Variants in COBLL1 observed in about 807,000 individuals in gnomAD.
The protein encoded by COBLL1 is cordon-bleu protein-like 1.
A neutral mutation model predicts 94.8 loss-of-function variants in COBLL1; 50 were observed. The observed-to-expected ratio is 0.53, with a 90% CI of 0.42 to 0.67. The LOEUF (loss-of-function observed/expected upper bound fraction) is 0.67. COBLL1 is among the 30% of genes least tolerant of loss of function. COBLL1 has a pLI of 0.00. For missense variants in COBLL1, 1,362 were observed against 1,348.7 expected, an observed-to-expected ratio of 1.01 and a Z score of -0.15; for synonymous variants, 448 against 473.8, an observed-to-expected ratio of 0.95 and a Z score of 0.71.
At chr2:164,797,874 A>G (rs1377502838) in intron 2 of COBLL1, among the ~76,000 whole-genome samples, 1 of 152,190 alleles carries the variant, frequency 6.6e-6, no homozygotes, top group Non-Finnish European at 1.5e-5. Flanking sequence ...ATGTTACTAA[A>G]TATCTTCCGT....
intron 2 of COBLL1, among the ~76,000 whole-genome samples, chr2:164,820,930 C>G (rs182216414): frequency 5.9e-4 from 90 of 152,296 alleles, no homozygotes; most frequent in African/African-American, 1.9e-3. Flanking sequence ...CTCTGTCGCC[C>G]AGACTGGAGT....
At chr2:164,795,518 T>A (rs1165959021) in intron 2 of COBLL1, among the ~76,000 whole-genome samples, 2 of 152,144 alleles carry the variant, frequency 1.3e-5, no homozygotes, top group Admixed American at 1.3e-4. Flanking sequence ...AGTATCTAGA[T>A]TGACCAATGA....
intron 5 of COBLL1, chr2:164,724,607 T>C (rs1203218251): frequency 1.3e-5 from 2 of 152,196 alleles, no homozygotes; most frequent in Admixed American, 1.3e-4. Flanking sequence ...AAGCAACATA[T>C]GGATTTTATG....
chr2:164,811,106 C>T (rs780356028), intron 2 of COBLL1, among the ~76,000 whole-genome samples: 2 of 151,838 alleles, frequency 1.3e-5, no homozygotes, highest in Non-Finnish European at 3.0e-5. Context: ...CAGTCATTGA[C>T]AACTGGGAGT....
chr2:164,805,341 A>T (rs1008675575), intron 2 of COBLL1, among the ~76,000 whole-genome samples: 42 of 81,306 alleles, frequency 5.2e-4, no homozygotes, highest in East Asian at 9.6e-4. Flanking sequence ...CTCTCTCTAT[A>T]TATATATATA....
Position 164,785,700 on chromosome 2 carries a change from C to T in COBLL1, c.42-41825G>A, listed in dbSNP as rs148623621. On this transcript the variant is annotated intron_variant, in intron 2 of 13. Transcript: ENST00000652658. ...TATGGCAACAAAAATAAACTTTATA[C>T]CAATATTCCAGTCATCATATAACTA... 4.0e-3 allele frequency among the ~76,000 whole-genome samples: 611 copies of T among 152,134 alleles called. 4 individuals are homozygous for T. The Middle Eastern group carries it at 0.041, about 10-fold the overall frequency.
At chr2:164,732,009 A>G (rs1446624084) in intron 3 of COBLL1, among the ~76,000 whole-genome samples, 2 of 152,250 alleles carry the variant, frequency 1.3e-5, no homozygotes, top group African/African-American at 2.4e-5. Flanking sequence ...TCCCGTGTTC[A>G]GCCCCCATCT....
chr2:164,704,421 C>T lies in COBLL1; in HGVS notation c.1225+23G>A, dbSNP rs750561240. The T allele has an allele frequency of 4.7e-6, 7 of 1,486,756 alleles. No individual in the cohort carries two copies. In the South Asian group the frequency reaches 7.9e-5, roughly 17 times the overall value. The allele number at this position is 1,486,756 out of a possible 1,614,324, so 92.1% of individuals were successfully genotyped here. A position where few individuals can be genotyped will look rare whatever the true frequency, so the allele number is the denominator to read the frequency against. On this transcript the variant is annotated intron_variant, in intron 9 of 13. Coordinates refer to ENST00000652658, the MANE Select transcript of COBLL1 (RefSeq NM_001365672.2). Reference sequence around the variant, plus strand: ...GGACGTCCTTTTTCAGTAATTACACCATGTAGAATAAGGGTGTCATACCTG... The same window carrying T: ...GGACGTCCTTTTTCAGTAATTACACTATGTAGAATAAGGGTGTCATACCTG...
intron 2 of COBLL1, among the ~76,000 whole-genome samples, chr2:164,748,497 C>T (rs1245959456): frequency 6.6e-6 from 1 of 152,020 alleles, no homozygotes; most frequent in Non-Finnish European, 1.5e-5. Context: ...CATTAACATT[C>T]AATAACAACT....
At chr2:164,805,319 C>A (rs1465337924) in intron 2 of COBLL1, among the ~76,000 whole-genome samples, 2,119 of 35,800 alleles carry the variant, frequency 0.059, 282 homozygotes, top group African/African-American at 0.16. Flanking sequence ...CTCTCTCTCT[C>A]TCTCTCTCTC....
intron 3 of COBLL1, among the ~76,000 whole-genome samples, chr2:164,733,891 TAA>T (rs1433575609): frequency 3.3e-5 from 5 of 152,190 alleles, no homozygotes; most frequent in Non-Finnish European, 7.3e-5. Context: ...CAAATTAATT[TAA>T]ATTCAATATA....
intron 2 of COBLL1, among the ~76,000 whole-genome samples, chr2:164,778,227 C>G (rs1397391484): frequency 6.6e-6 from 1 of 152,146 alleles, no homozygotes; most frequent in East Asian, 1.9e-4. Context: ...AAAATGCCAG[C>G]TCAGAGGATG....
chr2:164,784,456 TACAG>T (rs1688854314), intron 2 of COBLL1, among the ~76,000 whole-genome samples: 1 of 152,182 alleles, frequency 6.6e-6, no homozygotes, highest in Non-Finnish European at 1.5e-5. Flanking sequence ...TGCTAAAGCA[TACAG>T]AAAGTGCTGG....
intron 11 of COBLL1, 46 bp from the exon 12 acceptor site, chr2:164,695,882 A>T (rs1683919836): frequency 6.9e-7 from 1 of 1,458,800 alleles, no homozygotes; most frequent in Non-Finnish European, 9.1e-7. Flanking sequence ...AGAAGTAGAA[A>T]ACCTCAAGTT....
At chr2:164,779,724 CCACA>C in intron 2 of COBLL1, 1 of 471,034 alleles carries the variant, frequency 2.1e-6, no homozygotes, top group Non-Finnish European at 4.4e-6. Context: ...CAAACAGAGA[CCACA>C]CAGACTAGGG....
In COBLL1 at chr2:164,822,333, T is replaced by C. The variant is rs908202419; in HGVS notation, c.41+18823A>G. On this transcript the variant is annotated intron_variant, in intron 2 of 13. Coordinates refer to ENST00000652658, the MANE Select transcript of COBLL1 (RefSeq NM_001365672.2). The stretch of plus-strand genomic sequence containing the variant: ...TCAGATGAAGAATAACCTCCACTGC[T>C]GTCTGATGTCAAACTGGCAGCTCTG... 4.6e-5 allele frequency among the ~76,000 whole-genome samples: 7 copies of C among 152,310 alleles called. No homozygotes were observed. The South Asian group carries it at 1.5e-3, about 32-fold the overall frequency.
chr2:164,673,479 A>G (rs1294628031), intron 1 of COBLL1, among the ~76,000 whole-genome samples: 2 of 152,062 alleles, frequency 1.3e-5, no homozygotes, highest in African/African-American at 4.8e-5. Context: ...GCTTGAGACC[A>G]CCCTGGCCAA....
chr2:164,759,962 G>A (rs1002632479), intron 2 of COBLL1, among the ~76,000 whole-genome samples: 9 of 152,150 alleles, frequency 5.9e-5, no homozygotes, highest in African/African-American at 1.9e-4. Context: ...AATGCAAAAC[G>A]GTGAAGGCCA....
intron 2 of COBLL1, among the ~76,000 whole-genome samples, chr2:164,831,403 T>C (rs1683068496): frequency 6.6e-6 from 1 of 151,468 alleles, no homozygotes; most frequent in Non-Finnish European, 1.5e-5. Context: ...TTAAATTATC[T>C]AGTAGGGATC....
Sources: gnomAD v4.1 joint callset for allele counts (sites outside exome capture counted in the v4.1 genomes callset) on GRCh38, gnomAD v4.1.1 for gene constraint, MANE v1.5 for transcripts, NCBI Gene and HGNC (gene_info 2026-07-23, HGNC 2026-07-21) for gene names.